VRK1: variants seen among roughly 807,000 people sequenced by gnomAD.
VRK1 encodes the protein VRK serine/threonine kinase 1.
A neutral mutation model predicts 57.1 loss-of-function variants in VRK1; 33 were observed. The observed-to-expected ratio is 0.58, with a 90% CI of 0.44 to 0.77. The LOEUF (loss-of-function observed/expected upper bound fraction) is 0.77, where lower values mean the gene tolerates loss of function less well. Among genes scored for constraint, VRK1 ranks in the 30% least tolerant of loss-of-function variants. The pLI is 0.00. For missense variants in VRK1, 413 were observed against 477.3 expected, an observed-to-expected ratio of 0.87 and a Z score of 1.25; for synonymous variants, 137 against 147.8, an observed-to-expected ratio of 0.93 and a Z score of 0.53.
intron 11 of VRK1, among the ~76,000 whole-genome samples, chr14:96,874,436 G>C (rs1888945614): frequency 6.6e-6 from 1 of 152,136 alleles, no homozygotes; most frequent in African/African-American, 2.4e-5. Flanking sequence ...GAACCAATCT[G>C]TTCAGCCCAG....
chr14:96,866,279 A>C (rs932439066), intron 11 of VRK1, among the ~76,000 whole-genome samples: 1 of 152,074 alleles, frequency 6.6e-6, no homozygotes, highest in Non-Finnish European at 1.5e-5. Context: ...TTTACCTATG[A>C]ATACATATTT....
chr14:96,811,911 T>C (rs994696634), intron 1 of VRK1, among the ~76,000 whole-genome samples: 4 of 152,180 alleles, frequency 2.6e-5, no homozygotes, highest in African/African-American at 9.7e-5. Context: ...TTTAGAATGC[T>C]TTCATCAGTA....
intron 11 of VRK1, among the ~76,000 whole-genome samples, chr14:96,866,638 G>C (rs150488377): frequency 5.3e-5 from 8 of 152,266 alleles, no homozygotes; most frequent in African/African-American, 1.9e-4. Context: ...GGGGAGTAGG[G>C]AGGGTTTCCT....
At chr14:96,808,658 CTTT>C (rs372103145) in intron 1 of VRK1, among the ~76,000 whole-genome samples, 4 of 121,862 alleles carry the variant, frequency 3.3e-5, no homozygotes. Context: ...GCCCTCTGGA[CTTT>C]TTTTTTTTTT....
intron 1 of VRK1, among the ~76,000 whole-genome samples, chr14:96,804,709 T>C (rs1348653712): frequency 1.3e-5 from 2 of 152,248 alleles, no homozygotes; most frequent in East Asian, 3.8e-4. Flanking sequence ...GGACCATTTG[T>C]GGCAGTGATA....
At chr14:96,835,705 C>T (rs1157477452) in intron 2 of VRK1, among the ~76,000 whole-genome samples, 7 of 152,210 alleles carry the variant, frequency 4.6e-5, no homozygotes, top group Admixed American at 3.3e-4. Flanking sequence ...CATTCTTGAG[C>T]ATTCCTTCAC....
intron 11 of VRK1, among the ~76,000 whole-genome samples, chr14:96,868,115 A>G (rs974868182): frequency 6.6e-6 from 1 of 152,076 alleles, no homozygotes; most frequent in Non-Finnish European, 1.5e-5. Context: ...ACAGACATCT[A>G]CTTCCAGTGA....
At chr14:96,805,693 A>G (rs913516295) in intron 1 of VRK1, among the ~76,000 whole-genome samples, 2 of 152,256 alleles carry the variant, frequency 1.3e-5, no homozygotes, top group Middle Eastern at 3.2e-3. Context: ...TATTTAGAAC[A>G]TGGAAAAATG....
chr14:96,856,080 A>G, intron 8 of VRK1, 50 bp from the exon 9 acceptor site: 1 of 1,596,870 alleles, frequency 6.3e-7, no homozygotes, highest in African/African-American at 1.3e-5. Flanking sequence ...TTTAAATTAT[A>G]CATTAAAAAT....
chr14:96,868,691 G>A (rs1463624920), intron 11 of VRK1, among the ~76,000 whole-genome samples: 1 of 151,930 alleles, frequency 6.6e-6, no homozygotes, highest in South Asian at 2.1e-4. Context: ...TTGAAGTAAT[G>A]AAAGGACATG....
chr14:96,867,395 T>A (rs1246945788), intron 11 of VRK1, among the ~76,000 whole-genome samples: 1 of 152,146 alleles, frequency 6.6e-6, no homozygotes, highest in African/African-American at 2.4e-5. Context: ...TTTTTTCCAC[T>A]CTTGCTTTGA....
At chr14:96,835,543 G>A (rs1333064252) in intron 2 of VRK1, among the ~76,000 whole-genome samples, 1 of 152,082 alleles carries the variant, frequency 6.6e-6, no homozygotes, top group Non-Finnish European at 1.5e-5. Context: ...TTGATTTCCT[G>A]AGTCCAGGCC....
chr14:96,836,874 A>T (rs1204764993), intron 2 of VRK1, among the ~76,000 whole-genome samples: 4 of 152,090 alleles, frequency 2.6e-5, no homozygotes, highest in Non-Finnish European at 5.9e-5. Context: ...CTCTTCACTA[A>T]GATACATACA....
intron 10 of VRK1, among the ~76,000 whole-genome samples, chr14:96,857,622 C>CAGGTTAAG (rs1888217461): frequency 1.3e-5 from 2 of 152,166 alleles, no homozygotes; most frequent in Admixed American, 1.3e-4. Flanking sequence ...AGGCAGAAAG[C>CAGGTTAAG]AGGTTAAGAG....
chr14:96,879,558 C>T (rs1409345093), intron 12 of VRK1, among the ~76,000 whole-genome samples: 1 of 152,096 alleles, frequency 6.6e-6, no homozygotes, highest in Non-Finnish European at 1.5e-5. Context: ...TGATTATTGA[C>T]CTTGATTTTG....
chr14:96,838,975 T>G (rs1430578797), intron 3 of VRK1, among the ~76,000 whole-genome samples: 1 of 152,066 alleles, frequency 6.6e-6, no homozygotes, highest in Non-Finnish European at 1.5e-5. Flanking sequence ...TGTGTAATCC[T>G]CACCTCTTAA....
intron 5 of VRK1, among the ~76,000 whole-genome samples, chr14:96,849,670 G>A (rs1309343220): frequency 1.3e-5 from 2 of 152,170 alleles, no homozygotes; most frequent in African/African-American, 4.8e-5. Flanking sequence ...CACAGAGTAA[G>A]TGCTGAGGAA....
intron 1 of VRK1, among the ~76,000 whole-genome samples, chr14:96,818,282 G>A (rs963586081): frequency 1.3e-5 from 2 of 152,198 alleles, no homozygotes; most frequent in Non-Finnish European, 2.9e-5. Context: ...AGTTGAGAAA[G>A]TACATTTGAT....
Position 96,868,026 on chromosome 14 carries a change from G to C in VRK1, c.1068+7291G>C, listed in dbSNP as rs141773117. 9.5e-3 allele frequency among the ~76,000 whole-genome samples: 1,443 copies of C among 151,816 alleles called. 20 individuals are homozygous for C. The highest frequency in any genetic ancestry group is 0.033 in the African/African-American group (1,370 of 41,356). ...TTATTATCTAGTCATGTTTTTTGTT[G>C]TTTGACTTATTTTAATAGTGTATAC... On this transcript the variant is annotated intron_variant, in intron 11 of 12. Coordinates refer to ENST00000216639, the MANE Select transcript of VRK1 (RefSeq NM_003384.3).
Sources: allele counts gnomAD v4.1 joint callset (sites outside exome capture counted in the v4.1 genomes callset), GRCh38; gene constraint gnomAD v4.1.1; transcripts MANE v1.5; gene names NCBI Gene and HGNC (gene_info 2026-07-23, HGNC 2026-07-21).